The following SPIDR variants were observed in gnomAD, a reference collection of about 807,000 sequenced individuals.
SPIDR encodes scaffold protein involved in DNA repair.
SPIDR carries 93 observed loss-of-function variants against 104.6 expected under a neutral mutation model. That is an observed-to-expected ratio of 0.89 (90% confidence interval 0.75 to 1.06). The LOEUF (loss-of-function observed/expected upper bound fraction) is 1.06, where lower values mean the gene tolerates loss of function less well. SPIDR is among the 50% of genes least tolerant of loss of function. The pLI, the probability that SPIDR is intolerant of heterozygous loss-of-function variation, is 0.00. For synonymous variants in SPIDR, 431 were observed against 416.9 expected, an observed-to-expected ratio of 1.03 and a Z score of -0.41; for missense variants, 1,154 against 1,111.2, an observed-to-expected ratio of 1.04 and a Z score of -0.55.
rs142826663 is a variant in SPIDR, at chr8:47,516,030, C to T, written c.1097+75488C>T. 1.1e-3 allele frequency among the ~76,000 whole-genome samples: 166 copies of T among 152,314 alleles called. 1 individual carries two copies. The East Asian group carries it at 0.03, about 28-fold the overall frequency. ...TTCACCGTATTAGCCAGGATGGTCT[C>T]GATCTCCTGACCTCGTGATCCGCCC... On this transcript the variant is annotated intron_variant, in intron 8 of 19. Coordinates refer to ENST00000297423, the MANE Select transcript of SPIDR (RefSeq NM_001080394.4).
At chr8:47,467,474 A>G (rs965159542) in intron 8 of SPIDR, among the ~76,000 whole-genome samples, 7 of 152,132 alleles carry the variant, frequency 4.6e-5, no homozygotes, top group Admixed American at 2.6e-4. Context: ...CAAAATACTG[A>G]CAAACTGAGT....
At chr8:47,574,922 T>C (rs2058907107) in intron 8 of SPIDR, among the ~76,000 whole-genome samples, 1 of 152,264 alleles carries the variant, frequency 6.6e-6, no homozygotes, top group Non-Finnish European at 1.5e-5. Context: ...ATGATCTGAA[T>C]CTATTTACAG....
chr8:47,269,568 T>TAA (rs76483348), intron 1 of SPIDR, among the ~76,000 whole-genome samples: 7 of 132,062 alleles, frequency 5.3e-5, no homozygotes, highest in African/African-American at 1.4e-4. Context: ...CCATGTCTCT[T>TAA]AAAAAAAAAA....
At chr8:47,443,345 G>A (rs1212114001) in intron 8 of SPIDR, among the ~76,000 whole-genome samples, 1 of 152,054 alleles carries the variant, frequency 6.6e-6, no homozygotes, top group African/African-American at 2.4e-5. Context: ...CAAGGCAGGT[G>A]GGTCATTTGA....
rs539568886 is a variant in SPIDR, at chr8:47,632,974, A to G, written c.1544+33778A>G. On this transcript the variant is annotated intron_variant, in intron 10 of 19. Transcript: ENST00000297423. ...CTGCCTCTGCACCTTCAAGCCAACAAGGGCATAAGGCAATTTGCCTCTATA... is the reference window on the plus strand; with the variant it reads ...CTGCCTCTGCACCTTCAAGCCAACAGGGGCATAAGGCAATTTGCCTCTATA... Among the ~76,000 whole-genome samples the G allele has an allele frequency of 1.2e-4, 18 of 152,332 alleles. No homozygotes were observed. The East Asian group carries it at 3.5e-3, about 29-fold the overall frequency.
At chr8:47,511,986 A>G in intron 8 of SPIDR, 2 of 789,172 alleles carry the variant, frequency 2.5e-6, no homozygotes, top group Non-Finnish European at 4.6e-6. Context: ...TTGCCTGTGA[A>G]ATGGTTATGA....
chr8:47,309,204 C>G (rs1189647838), intron 5 of SPIDR, among the ~76,000 whole-genome samples: 1 of 152,084 alleles, frequency 6.6e-6, no homozygotes, highest in Non-Finnish European at 1.5e-5. Context: ...ATCTGGAGTT[C>G]TTAGTCAAGC....
At chr8:47,315,961 A>T (rs1200566629) in intron 5 of SPIDR, among the ~76,000 whole-genome samples, 1 of 152,204 alleles carries the variant, frequency 6.6e-6, no homozygotes, top group Non-Finnish European at 1.5e-5. Context: ...GAAAGCAGCA[A>T]CTGTTTTAAA....
At chr8:47,509,360 G>A (rs999485073) in intron 8 of SPIDR, among the ~76,000 whole-genome samples, 2 of 149,850 alleles carry the variant, frequency 1.3e-5, no homozygotes, top group Non-Finnish European at 3.0e-5. Flanking sequence ...GTAAGCAGGA[G>A]ACATGGTAGA....
chr8:47,504,386 G>C (rs2081120884), intron 8 of SPIDR, among the ~76,000 whole-genome samples: 1 of 151,212 alleles, frequency 6.6e-6, no homozygotes, highest in Non-Finnish European at 1.5e-5. Flanking sequence ...TCATTCATTT[G>C]ATCTTCTATC....
In SPIDR at chr8:47,280,554, G is replaced by A. The variant is rs1307681718; in HGVS notation, c.189+537G>A. 2.0e-5 allele frequency among the ~76,000 whole-genome samples: 3 copies of A among 151,898 alleles called. No individual in the cohort carries two copies. The East Asian group carries it at 5.8e-4, about 29-fold the overall frequency. On this transcript the variant is annotated intron_variant, in intron 2 of 19. Coordinates refer to ENST00000297423, the MANE Select transcript of SPIDR (RefSeq NM_001080394.4). ...ATTACAGGTGCGTGCCACCACACTC[G>A]GCTGATTTTTGTATTTTTTGTAGAG... is the stretch of plus-strand genomic sequence containing the variant.
At chr8:47,386,987 C>T (rs2154304314) in intron 5 of SPIDR, among the ~76,000 whole-genome samples, 1 of 151,644 alleles carries the variant, frequency 6.6e-6, no homozygotes, top group South Asian at 2.1e-4. Context: ...ATTGAACTTA[C>T]TGCTGTTGCC....
In SPIDR at chr8:47,712,841, C is replaced by G; in HGVS notation, c.2157C>G (p.Ser719Arg). 1 of 1,614,084 alleles carries G rather than the reference C, an allele frequency of 6.2e-7. No homozygotes were observed. The highest frequency in any genetic ancestry group is 8.5e-7 in the Non-Finnish European group (1 of 1,180,034). The change falls in exon 15 of 20, where the codon AGC (serine) becomes AGG (arginine). Residue 719 changes from serine (S) to arginine (R), a missense_variant. By Grantham distance (110) the Ser-to-Arg change is moderately radical. Transcript: ENST00000297423. ...CACTCGCTGGGGCTGCCCCTCACAG[C>G]CTCTTCTTCAAGGACGCTCTCCGTG... is the stretch of plus-strand genomic sequence containing the variant. Reference protein sequence around the residue: ...LEALAGAAPHSLFFKDALRDQ... With the variant: ...LEALAGAAPHRLFFKDALRDQ...
intron 10 of SPIDR, among the ~76,000 whole-genome samples, chr8:47,618,954 C>G (rs2064741796): frequency 6.6e-6 from 1 of 152,200 alleles, no homozygotes; most frequent in South Asian, 2.1e-4. Context: ...GCCATAGGCA[C>G]TAATGTTCTT....
chr8:47,265,188 C>CTTTT lies in SPIDR; in HGVS notation c.33+4215_33+4218dup, dbSNP rs397892978. 3.7e-3 allele frequency among the ~76,000 whole-genome samples: 401 copies of CTTTT among 108,972 alleles called. 8 individuals carry two copies. Among genetic ancestry groups the CTTTT allele is most frequent in the African/African-American group, 0.015 (383 of 26,362 alleles). 71.5% of individuals were successfully genotyped at this position (108,972 alleles called of 152,430 possible). A position where few individuals can be genotyped will look rare whatever the true frequency, so the allele number is the denominator to read the frequency against. On this transcript the variant is annotated intron_variant, in intron 1 of 19. Coordinates refer to ENST00000297423, the MANE Select transcript of SPIDR (RefSeq NM_001080394.4). ...TACTTAGTATTGACATCTCAGTTGT[C>CTTTT]TTTTTTTTTTTTTTTTTTTTTGAGA...
chr8:47,386,380 G>A (rs184159531), intron 5 of SPIDR, among the ~76,000 whole-genome samples: 2 of 152,062 alleles, frequency 1.3e-5, no homozygotes, highest in African/African-American at 4.8e-5. Context: ...TCTACTTGAC[G>A]TAAGTATTCA....
intron 11 of SPIDR, among the ~76,000 whole-genome samples, chr8:47,684,939 G>A (rs1304391187): frequency 6.6e-6 from 1 of 152,182 alleles, no homozygotes; most frequent in Non-Finnish European, 1.5e-5. Flanking sequence ...GAAACCAAAT[G>A]GGCCGGGCGC....
chr8:47,405,891 A>C (rs1168926623), intron 6 of SPIDR, among the ~76,000 whole-genome samples: 1 of 152,152 alleles, frequency 6.6e-6, no homozygotes, highest in Non-Finnish European at 1.5e-5. Flanking sequence ...ATGTGACTGG[A>C]ATTCCCTGCA....
In SPIDR at chr8:47,567,471, G is replaced by A. The variant is rs554377771; in HGVS notation, c.1098-28340G>A. On this transcript the variant is annotated intron_variant, in intron 8 of 19. Transcript: ENST00000297423. The stretch of plus-strand genomic sequence containing the variant: ...CGACCTCAGTTGACCCACCTGCCTC[G>A]GCCTCCCAAAGTGCTGAGATTACAG... 6.6e-5 allele frequency among the ~76,000 whole-genome samples: 10 copies of A among 151,868 alleles called. No individual in the cohort carries two copies. The East Asian group carries it at 7.7e-4, about 12-fold the overall frequency.
Sources: gnomAD v4.1 joint callset for allele counts (sites outside exome capture counted in the v4.1 genomes callset) on GRCh38, gnomAD v4.1.1 for gene constraint, MANE v1.5 for transcripts, NCBI Gene and HGNC (gene_info 2026-07-23, HGNC 2026-07-21) for gene names.